Variants in EGFLAM observed in about 807,000 individuals in gnomAD.
EGFLAM encodes the protein pikachurin.
Under a neutral mutation model 113.1 loss-of-function variants are expected in EGFLAM, and 79 were observed. The ratio of observed to expected loss-of-function variants is 0.70; its 90% CI spans 0.58 to 0.84. The LOEUF is 0.84. Ranked by LOEUF, EGFLAM falls within the 40% of genes least tolerant of loss-of-function variation. The probability of loss-of-function intolerance (pLI) is 0.00; values close to 1 mark genes in which losing one functional copy is unlikely to be tolerated. For synonymous variants in EGFLAM, 504 were observed against 487.6 expected (o/e 1.03, Z -0.44); for missense variants, 1,265 against 1,291.6 (o/e 0.98, Z 0.32).
intron 14 of EGFLAM, chr5:38,427,511 T>C (rs748160330): frequency 7.7e-5 from 36 of 468,522 alleles, no homozygotes; most frequent in Non-Finnish European, 1.2e-4. Context: ...CTATGGAAAA[T>C]GGACTTGCTT....
chr5:38,364,706 C>T (rs569917599), intron 5 of EGFLAM, among the ~76,000 whole-genome samples: 1 of 152,262 alleles, frequency 6.6e-6, no homozygotes, highest in Non-Finnish European at 1.5e-5. Context: ...GCTTAATGAG[C>T]TCCCAGCCCA....
At chr5:38,343,067 G>A (rs1046921601) in intron 3 of EGFLAM, among the ~76,000 whole-genome samples, 1 of 152,050 alleles carries the variant, frequency 6.6e-6, no homozygotes, top group South Asian at 2.1e-4. Context: ...GGTGACCAGG[G>A]GCGAAGTCAC....
At chr5:38,334,290 G>A (rs1377881416) in intron 1 of EGFLAM, among the ~76,000 whole-genome samples, 1 of 152,152 alleles carries the variant, frequency 6.6e-6, no homozygotes, top group Non-Finnish European at 1.5e-5. Context: ...ACTATAGATT[G>A]GGTGGCTTAT....
At chr5:38,288,548 A>G (rs2111781567) in intron 1 of EGFLAM, among the ~76,000 whole-genome samples, 1 of 152,324 alleles carries the variant, frequency 6.6e-6, no homozygotes, top group East Asian at 1.9e-4. Context: ...AATAGTTCAC[A>G]TTTAAGATTT....
At chr5:38,379,578 A>G (rs1034008190) in intron 6 of EGFLAM, among the ~76,000 whole-genome samples, 7 of 152,064 alleles carry the variant, frequency 4.6e-5, no homozygotes, top group Admixed American at 3.9e-4. Context: ...CTTCAGGCAG[A>G]TAAGAGAAGT....
chr5:38,364,416 A>ATT (rs1407384625), intron 5 of EGFLAM, among the ~76,000 whole-genome samples: 1 of 152,202 alleles, frequency 6.6e-6, no homozygotes, highest in Non-Finnish European at 1.5e-5. Context: ...AGGAAGCAAC[A>ATT]TGAAAAGCTT....
At chr5:38,286,909 C>T (rs1758177859) in intron 1 of EGFLAM, among the ~76,000 whole-genome samples, 1 of 152,140 alleles carries the variant, frequency 6.6e-6, no homozygotes, top group African/African-American at 2.4e-5. Context: ...TTGAACACAG[C>T]AGGCCTGGCC....
intron 17 of EGFLAM, among the ~76,000 whole-genome samples, chr5:38,438,684 C>T (rs766577749): frequency 7.2e-5 from 11 of 152,058 alleles, no homozygotes; most frequent in Non-Finnish European, 1.5e-4. Flanking sequence ...AAATAGGTTC[C>T]CCACCCTCTG....
rs563560768 is a variant in EGFLAM, at chr5:38,301,078, A to G, written c.98-36442A>G. Reference sequence around the variant, plus strand: ...GTTGCTTGTTAGACATCCATGTGTCAGGATGGCTGTTGAATATACAAGTCT... The same window carrying G: ...GTTGCTTGTTAGACATCCATGTGTCGGGATGGCTGTTGAATATACAAGTCT... On this transcript the variant is annotated intron_variant, in intron 1 of 21. Transcript: ENST00000322350. 2.0e-5 allele frequency among the ~76,000 whole-genome samples: 3 copies of G among 152,324 alleles called. No individual in the cohort carries two copies. In the South Asian group the frequency reaches 6.2e-4, roughly 32 times the overall value.
chr5:38,258,608 CGT>C lies in EGFLAM; in HGVS notation c.-144_-143del. ...TGCAGTCCTACCTCTTGGAACTACC[CGT>C]GTTTCCGGGCCCAGCCCTCGCAGCC... On this transcript the variant is annotated 5_prime_UTR_variant, in exon 1 of 22. Transcript: ENST00000322350. 1.1e-6 allele frequency: 1 copy of C among 870,310 alleles called. No individual in the cohort carries two copies. Among genetic ancestry groups the C allele is most frequent in the Non-Finnish European group, 1.8e-6 (1 of 541,702 alleles). The allele number at this position is 870,310 out of a possible 1,614,324, so 53.9% of individuals were successfully genotyped here.
intron 17 of EGFLAM, among the ~76,000 whole-genome samples, chr5:38,443,681 T>C (rs565844585): frequency 6.6e-6 from 1 of 152,220 alleles, no homozygotes; most frequent in South Asian, 2.1e-4. Flanking sequence ...GCCCTGGTTG[T>C]TGGGGAAGTT....
Position 38,465,143 on chromosome 5 carries a change from G to C in EGFLAM, c.*1157G>C, listed in dbSNP as rs1743428180. 6.6e-6 allele frequency: 1 copy of C among 152,434 alleles called. No individual in the cohort carries two copies. Among genetic ancestry groups the C allele is most frequent in the South Asian group, 2.1e-4 (1 of 4,830 alleles). 9.4% of individuals were successfully genotyped at this position (152,434 alleles called of 1,614,324 possible). On this transcript the variant is annotated 3_prime_UTR_variant, in exon 22 of 22. Coordinates refer to ENST00000322350, the MANE Select transcript of EGFLAM (RefSeq NM_152403.4). The stretch of plus-strand genomic sequence containing the variant: ...CAGGGGTGGGGGGACATGCTGTCAG[G>C]ATGGTCTGAGCATCTGGGTGAGAAC...
chr5:38,370,521 G>C, intron 6 of EGFLAM, 59 bp downstream of exon 6: 1 of 1,564,760 alleles, frequency 6.4e-7, no homozygotes, highest in East Asian at 2.3e-5. Context: ...CTTGCCTCAT[G>C]AAGACTCACT....
chr5:38,348,866 G>A (rs1180587606), intron 3 of EGFLAM, among the ~76,000 whole-genome samples: 1 of 152,130 alleles, frequency 6.6e-6, no homozygotes, highest in Non-Finnish European at 1.5e-5. Context: ...GCCAAGCTCT[G>A]GAACAGCAGT....
intron 17 of EGFLAM, among the ~76,000 whole-genome samples, chr5:38,441,593 T>TACACACAC (rs3048229): frequency 0.098 from 14,474 of 147,552 alleles, 763 homozygotes; most frequent in Non-Finnish European, 0.12. Flanking sequence ...CGCTGCTTTG[T>TACACACAC]ACACACACAC....
intron 15 of EGFLAM, among the ~76,000 whole-genome samples, chr5:38,433,980 T>C (rs978886814): frequency 6.6e-6 from 1 of 152,192 alleles, no homozygotes; most frequent in Non-Finnish European, 1.5e-5. Flanking sequence ...CAGAGCTTCT[T>C]CCTCCATGAC....
chr5:38,429,422 T>C (rs1742117838), intron 14 of EGFLAM, among the ~76,000 whole-genome samples: 1 of 152,228 alleles, frequency 6.6e-6, no homozygotes, highest in African/African-American at 2.4e-5. Context: ...TTTCAATAAT[T>C]GTGCCCATTG....
At chr5:38,376,297 T>A (rs369533237) in intron 6 of EGFLAM, among the ~76,000 whole-genome samples, 31 of 152,306 alleles carry the variant, frequency 2.0e-4, no homozygotes, top group African/African-American at 7.5e-4. Context: ...AAAAAGTCAC[T>A]TGCCTTTCTT....
rs186371398 is a variant in EGFLAM at position 38,364,633 on chromosome 5, C to T, written c.546-5663C>T. Among the ~76,000 whole-genome samples, 187 of 152,202 alleles carry T rather than the reference C, an allele frequency of 1.2e-3. No homozygotes were observed. The Middle Eastern group carries it at 0.014, about 11-fold the overall frequency. ...GCAGGAAAGAGACTGGTAGCATTCC[C>T]GTCTTTGAAAGATCGTGCAGACATC... On this transcript the variant is annotated intron_variant, in intron 5 of 21. Transcript: ENST00000322350.
Sources: gnomAD v4.1 joint callset for allele counts (sites outside exome capture counted in the v4.1 genomes callset) on GRCh38, gnomAD v4.1.1 for gene constraint, MANE v1.5 for transcripts, NCBI Gene and HGNC (gene_info 2026-07-23, HGNC 2026-07-21) for gene names.